RGS5: variants seen among roughly 807,000 people sequenced by gnomAD.
RGS5 encodes regulator of G-protein signalling 5.
A neutral mutation model predicts 18.9 loss-of-function variants in RGS5; 20 were observed. That is an observed-to-expected ratio of 1.06 (90% CI 0.74 to 1.54). The LOEUF (loss-of-function observed/expected upper bound fraction) is 1.54. Ranked by LOEUF, RGS5 falls within the 40% of genes most tolerant of loss-of-function variation. RGS5 has a pLI of 0.00. For synonymous variants in RGS5, 57 were observed against 76.2 expected (o/e 0.75, Z 1.31); for missense variants, 201 against 211.8 (o/e 0.95, Z 0.32).
intron 2 of RGS5, among the ~76,000 whole-genome samples, chr1:163,264,135 T>G (rs1208407784): frequency 6.6e-6 from 1 of 152,086 alleles, no homozygotes; most frequent in African/African-American, 2.4e-5. Context: ...TTTATATTAT[T>G]GTTTTGTTTG....
chr1:163,166,342 A>T (rs551126019), intron 2 of RGS5, among the ~76,000 whole-genome samples: 216 of 151,632 alleles, frequency 1.4e-3, no homozygotes, highest in Non-Finnish European at 2.4e-3. Context: ...AAATACTTTT[A>T]AAAAAACGGA....
chr1:163,264,530 T>C (rs1365776580), intron 2 of RGS5, among the ~76,000 whole-genome samples: 1 of 152,178 alleles, frequency 6.6e-6, no homozygotes, highest in Non-Finnish European at 1.5e-5. Context: ...ACTCAATTTT[T>C]ATTTCTGTCC....
chr1:163,255,963 AAAT>A (rs1648261055), intron 2 of RGS5, among the ~76,000 whole-genome samples: 1 of 152,122 alleles, frequency 6.6e-6, no homozygotes, highest in African/African-American at 2.4e-5. Flanking sequence ...ATGTATCTCA[AAAT>A]AATAAGAGCT....
chr1:163,164,006 T>G (rs2102396554), intron 2 of RGS5, among the ~76,000 whole-genome samples: 1 of 152,262 alleles, frequency 6.6e-6, no homozygotes, highest in Non-Finnish European at 1.5e-5. Context: ...AGGCTAATGG[T>G]CAATAACAGC....
intron 3 of RGS5, chr1:163,161,530 T>A: frequency 5.7e-6 from 1 of 176,422 alleles, no homozygotes; most frequent in Admixed American, 6.1e-5. Flanking sequence ...TTGTTAGCGA[T>A]CTTTATGCTG....
chr1:163,301,743 C>T (rs576719278), intron 2 of RGS5, among the ~76,000 whole-genome samples: 1 of 152,296 alleles, frequency 6.6e-6, no homozygotes, highest in South Asian at 2.1e-4. Flanking sequence ...CCTTTAAGTA[C>T]ACAGGATCCG....
At chr1:163,289,450 G>A (rs545762379) in intron 2 of RGS5, among the ~76,000 whole-genome samples, 1 of 151,984 alleles carries the variant, frequency 6.6e-6, no homozygotes, top group East Asian at 1.9e-4. Context: ...TGAAATGAAT[G>A]GCTGTCTAAT....
intron 1 of RGS5, among the ~76,000 whole-genome samples, chr1:163,176,307 T>G (rs1409364363): frequency 1.3e-5 from 2 of 152,184 alleles, no homozygotes; most frequent in Non-Finnish European, 2.9e-5. Flanking sequence ...CTTAATTTCT[T>G]AGGACCATGG....
intron 2 of RGS5, among the ~76,000 whole-genome samples, chr1:163,246,736 C>T (rs997880161): frequency 6.6e-6 from 1 of 152,110 alleles, no homozygotes; most frequent in Non-Finnish European, 1.5e-5. Flanking sequence ...TCTAGATTTA[C>T]CTGCTGATTC....
chr1:163,236,052 A>T (rs967388509), intron 2 of RGS5, among the ~76,000 whole-genome samples: 1 of 152,194 alleles, frequency 6.6e-6, no homozygotes, highest in African/African-American at 2.4e-5. Context: ...AGAATATTAC[A>T]TCAGTTAGAG....
intron 2 of RGS5, among the ~76,000 whole-genome samples, chr1:163,254,362 ATC>A (rs1648208450): frequency 6.6e-6 from 1 of 152,070 alleles, no homozygotes; most frequent in Non-Finnish European, 1.5e-5. Context: ...GTGAGATGGT[ATC>A]TCATTGTGGT....
chr1:163,250,421 G>C (rs913976555), intron 2 of RGS5, among the ~76,000 whole-genome samples: 2 of 152,186 alleles, frequency 1.3e-5, no homozygotes, highest in African/African-American at 2.4e-5. Flanking sequence ...AAAATTATGA[G>C]ACGTGAAGGT....
At chr1:163,151,224 C>T (rs1320762200) in intron 4 of RGS5, among the ~76,000 whole-genome samples, 1 of 152,144 alleles carries the variant, frequency 6.6e-6, no homozygotes, top group Non-Finnish European at 1.5e-5. Flanking sequence ...TGGCTTTCAA[C>T]ATCTCTAACA....
intron 1 of RGS5, among the ~76,000 whole-genome samples, chr1:163,175,194 C>T (rs16850108): frequency 0.028 from 4,258 of 152,144 alleles, 191 homozygotes; most frequent in African/African-American, 0.096. Context: ...GAGAGTAAGA[C>T]ATTTGCCGGA....
chr1:163,148,324 C>G (rs1423025354), intron 4 of RGS5, among the ~76,000 whole-genome samples: 1 of 152,172 alleles, frequency 6.6e-6, no homozygotes, highest in South Asian at 2.1e-4. Context: ...GATCCAGGAC[C>G]TTTTGCATGG....
rs182180706 is a variant in RGS5 at position 163,285,108 on chromosome 1, A to G, written c.-281+21125T>C. Among the ~76,000 whole-genome samples, 336 of 152,276 alleles carry G rather than the reference A, an allele frequency of 2.2e-3. 1 individual carries two copies. Among genetic ancestry groups the G allele is most frequent in the African/African-American group, 7.9e-3 (327 of 41,560 alleles). ...TGGGGTAAACTGCCCTCATAATTCA[A>G]TCATCTCCCACTGAGTCCCTCCCAC... is the stretch of plus-strand genomic sequence containing the variant. On this transcript the variant is annotated intron_variant, in intron 2 of 5. Coordinates refer to the RGS5 transcript ENST00000618415.
At chr1:163,290,469 C>T (rs1649254186) in intron 2 of RGS5, among the ~76,000 whole-genome samples, 1 of 152,166 alleles carries the variant, frequency 6.6e-6, no homozygotes, top group Non-Finnish European at 1.5e-5. Context: ...TCATTGTTTA[C>T]TAAGCCATCT....
intron 1 of RGS5, chr1:163,212,535 A>G (rs1480985954): frequency 3.3e-5 from 5 of 152,022 alleles, no homozygotes; most frequent in African/African-American, 9.7e-5. Context: ...CAGATAACCA[A>G]CCTCTTTTGG....
intron 2 of RGS5, among the ~76,000 whole-genome samples, chr1:163,164,621 C>T (rs1657965335): frequency 6.6e-6 from 1 of 152,126 alleles, no homozygotes; most frequent in Admixed American, 6.5e-5. Context: ...ATCAATCCAC[C>T]TTGCAATAAA....
Sources: gnomAD v4.1 joint callset for allele counts (sites outside exome capture counted in the v4.1 genomes callset) on GRCh38, gnomAD v4.1.1 for gene constraint, MANE v1.5 for transcripts, NCBI Gene and HGNC (gene_info 2026-07-23, HGNC 2026-07-21) for gene names.